The following PLEKHM3 variants were observed in gnomAD, a reference collection of about 807,000 sequenced individuals.
The protein encoded by PLEKHM3 is pleckstrin homology domain containing M3.
Under a neutral mutation model 81.8 loss-of-function variants are expected in PLEKHM3, and 45 were observed. The ratio of observed to expected loss-of-function variants is 0.55; its 90% CI spans 0.43 to 0.71. The LOEUF is 0.71. Ranked by LOEUF, PLEKHM3 falls within the 30% of genes least tolerant of loss-of-function variation. The pLI, the probability that PLEKHM3 is intolerant of heterozygous loss-of-function variation, is 0.00. For synonymous variants in PLEKHM3, 352 were observed against 356.4 expected, an observed-to-expected ratio of 0.99 and a Z score of 0.14; for missense variants, 788 against 924.3, an observed-to-expected ratio of 0.85 and a Z score of 1.91.
At chr2:207,878,827 T>C (rs1332704714) in intron 6 of PLEKHM3, among the ~76,000 whole-genome samples, 6 of 152,028 alleles carry the variant, frequency 3.9e-5, no homozygotes, top group Admixed American at 6.5e-5. Context: ...TGGGTTTTTT[T>C]TATTTTTATT....
At chr2:207,878,139 T>C (rs1166585406) in intron 6 of PLEKHM3, among the ~76,000 whole-genome samples, 1 of 152,164 alleles carries the variant, frequency 6.6e-6, no homozygotes, top group Admixed American at 6.5e-5. Flanking sequence ...GGTCTCCCTA[T>C]ATTGCCCAGG....
chr2:207,871,527 T>C (rs2092534317), intron 6 of PLEKHM3, among the ~76,000 whole-genome samples: 1 of 152,176 alleles, frequency 6.6e-6, no homozygotes, highest in Non-Finnish European at 1.5e-5. Context: ...AAACTAGGTC[T>C]TAGGGAATAA....
At chr2:208,016,948 T>A (rs573808875) in intron 1 of PLEKHM3, among the ~76,000 whole-genome samples, 15 of 152,286 alleles carry the variant, frequency 9.8e-5, no homozygotes, top group African/African-American at 3.1e-4. Flanking sequence ...GTCCCTCATA[T>A]AAAATTATGC....
intron 5 of PLEKHM3, among the ~76,000 whole-genome samples, chr2:207,929,570 T>C (rs1009062769): frequency 6.6e-6 from 1 of 152,248 alleles, no homozygotes; most frequent in Non-Finnish European, 1.5e-5. Context: ...TTGAGACATA[T>C]AATTCTATTG....
At chr2:207,939,298 G>T (rs1390444802) in intron 4 of PLEKHM3, among the ~76,000 whole-genome samples, 3 of 152,192 alleles carry the variant, frequency 2.0e-5, no homozygotes, top group Non-Finnish European at 4.4e-5. Context: ...TTGTCTGGTA[G>T]AGAGGAAAGA....
At chr2:207,884,227 C>A (rs1282639018) in intron 6 of PLEKHM3, among the ~76,000 whole-genome samples, 1 of 137,740 alleles carries the variant, frequency 7.3e-6, no homozygotes, top group African/African-American at 2.7e-5. Context: ...TCACAGTTAA[C>A]ATCACACTTA....
chr2:207,867,845 G>A (rs2092510249), intron 6 of PLEKHM3, among the ~76,000 whole-genome samples: 1 of 152,014 alleles, frequency 6.6e-6, no homozygotes, highest in Non-Finnish European at 1.5e-5. Flanking sequence ...AGGGGCTTAA[G>A]GGGCCATATT....
intron 5 of PLEKHM3, among the ~76,000 whole-genome samples, chr2:207,928,109 G>T (rs1423438895): frequency 6.6e-6 from 1 of 152,162 alleles, no homozygotes; most frequent in Non-Finnish European, 1.5e-5. Context: ...AGGTTTGAGA[G>T]AAATGGTAAC....
chr2:207,856,279 C>T (rs376816644), intron 7 of PLEKHM3, among the ~76,000 whole-genome samples: 1 of 152,134 alleles, frequency 6.6e-6, no homozygotes, highest in East Asian at 1.9e-4. Flanking sequence ...TCCTGTGATA[C>T]ATTTGTTACA....
chr2:207,948,440 C>T (rs570860439), intron 3 of PLEKHM3, among the ~76,000 whole-genome samples: 13 of 148,272 alleles, frequency 8.8e-5, no homozygotes, highest in Non-Finnish European at 1.9e-4. Context: ...ACTGCAAACT[C>T]CACCTTCCGG....
At chr2:207,889,448 C>CACACACAA (rs1284130688) in intron 6 of PLEKHM3, among the ~76,000 whole-genome samples, 1 of 74,688 alleles carries the variant, frequency 1.3e-5, no homozygotes, top group Non-Finnish European at 3.6e-5. Context: ...CACACACACA[C>CACACACAA]ACACACACAC....
At chr2:207,939,201 G>A (rs892173553) in intron 4 of PLEKHM3, among the ~76,000 whole-genome samples, 5 of 152,038 alleles carry the variant, frequency 3.3e-5, no homozygotes, top group African/African-American at 1.2e-4. Flanking sequence ...CTCTAAATAA[G>A]TTTTTATCTA....
intron 3 of PLEKHM3, among the ~76,000 whole-genome samples, chr2:207,963,940 G>A (rs548428631): frequency 6.6e-6 from 1 of 152,334 alleles, no homozygotes; most frequent in Admixed American, 6.5e-5. Context: ...GGCTGGGCAT[G>A]GTGGCTCACG....
intron 1 of PLEKHM3, among the ~76,000 whole-genome samples, chr2:208,009,518 G>A (rs1306803850): frequency 1.3e-5 from 2 of 152,116 alleles, no homozygotes; most frequent in African/African-American, 4.8e-5. Context: ...CAGGTATGTC[G>A]CTTGGTATTT....
At chr2:208,023,451 T>C (rs2106137137) in intron 1 of PLEKHM3, among the ~76,000 whole-genome samples, 1 of 152,304 alleles carries the variant, frequency 6.6e-6, no homozygotes, top group South Asian at 2.1e-4. Context: ...CCCATGTCTG[T>C]AGACTAGTAC....
intron 3 of PLEKHM3, among the ~76,000 whole-genome samples, chr2:207,964,947 T>C (rs896714704): frequency 3.3e-5 from 5 of 152,174 alleles, no homozygotes; most frequent in Non-Finnish European, 7.3e-5. Context: ...ATGAAAATAT[T>C]AATGCAAGAA....
chr2:208,009,554 A>C (rs1692616980), intron 1 of PLEKHM3, among the ~76,000 whole-genome samples: 1 of 152,172 alleles, frequency 6.6e-6, no homozygotes, highest in South Asian at 2.1e-4. Flanking sequence ...CAAAATGTAC[A>C]ATGTGAGTAC....
intron 5 of PLEKHM3, among the ~76,000 whole-genome samples, chr2:207,928,602 T>A (rs558112893): frequency 1.3e-5 from 2 of 152,384 alleles, no homozygotes; most frequent in East Asian, 3.9e-4. Flanking sequence ...AAGTAATAAT[T>A]TTTGCCGGAA....
chr2:207,891,534 A>C (rs912282438), intron 6 of PLEKHM3, among the ~76,000 whole-genome samples: 1 of 152,224 alleles, frequency 6.6e-6, no homozygotes, highest in Admixed American at 6.5e-5. Context: ...CTATTATGCT[A>C]AACTGCTTTT....
Sources: gnomAD v4.1 joint callset for allele counts (sites outside exome capture counted in the v4.1 genomes callset) on GRCh38, gnomAD v4.1.1 for gene constraint, MANE v1.5 for transcripts, NCBI Gene and HGNC (gene_info 2026-07-23, HGNC 2026-07-21) for gene names.